Variants in RSRP1 observed in about 807,000 individuals in gnomAD.
RSRP1 encodes the protein arginine and serine rich protein 1, also known as arginine/serine-rich protein 1.
A neutral mutation model predicts 33.0 loss-of-function variants in RSRP1; 37 were observed. The ratio of observed to expected loss-of-function variants is 1.12; its 90% CI spans 0.86 to 1.48. The LOEUF (loss-of-function observed/expected upper bound fraction) is 1.48, where lower values mean the gene tolerates loss of function less well. Among genes scored for constraint, RSRP1 ranks in the 40% most tolerant of loss-of-function variants. The probability of loss-of-function intolerance (pLI) is 0.00; values close to 1 mark genes in which losing one functional copy is unlikely to be tolerated. For synonymous variants in RSRP1, 167 were observed against 158.7 expected, an observed-to-expected ratio of 1.05 and a Z score of -0.40; for missense variants, 402 against 385.3, an observed-to-expected ratio of 1.04 and a Z score of -0.36.
At chr1:25,294,328 C>T (rs2124652896) in intron 1 of RSRP1, 2 of 1,152,624 alleles carry the variant, frequency 1.7e-6, no homozygotes, top group East Asian at 2.3e-5. Flanking sequence ...TGTCCAAGGC[C>T]CCAGTGACCA....
upstream of RSRP1, chr1:25,247,619 G>T (rs892652778): frequency 6.6e-6 from 1 of 152,316 alleles, no homozygotes; most frequent in Non-Finnish European, 1.5e-5. Context: ...TCCAGGGTGC[G>T]CATGCGCGAT....
chr1:25,297,056 C>G lies in RSRP1; in HGVS notation c.-67+40922G>C, dbSNP rs1243717250. ...ACCAATTTTCTCAATAATATCTTTT[C>G]TAGAAAAAAATATATATTTTTTGTG... On this transcript the variant is annotated intron_variant, in intron 1 of 1. Coordinates refer to the RSRP1 transcript ENST00000561867. 2.3e-5 allele frequency among the ~76,000 whole-genome samples: 3 copies of G among 130,256 alleles called. 1 individual carries two copies. The highest frequency in any genetic ancestry group is 5.4e-5 in the Non-Finnish European group (3 of 55,580). 85.5% of individuals were successfully genotyped at this position (130,256 alleles called of 152,430 possible). A position where few individuals can be genotyped will look rare whatever the true frequency, so the allele number is the denominator to read the frequency against.
rs188845162 is a variant in RSRP1, at chr1:25,329,649, C to T, written c.-67+8329G>A. Reference sequence around the variant, plus strand: ...AATTAGATTATACCACTAGAGTCTTCAGATTTTTATACTTTTTTTTTTTGA... The same window carrying T: ...AATTAGATTATACCACTAGAGTCTTTAGATTTTTATACTTTTTTTTTTTGA... On this transcript the variant is annotated intron_variant, in intron 1 of 1. Coordinates refer to the RSRP1 transcript ENST00000561867. 4.8e-3 allele frequency: 627 copies of T among 129,988 alleles called. 79 individuals are homozygous for T. The highest frequency in any genetic ancestry group is 0.015 in the African/African-American group (566 of 37,936). The allele number at this position is 129,988 out of a possible 1,614,324, so 8.1% of individuals were successfully genotyped here.
chr1:25,282,592 T>A (rs1384498289), intron 1 of RSRP1, among the ~76,000 whole-genome samples: 1 of 132,602 alleles, frequency 7.5e-6, no homozygotes, highest in Non-Finnish European at 1.8e-5. Flanking sequence ...CAGAGCCATG[T>A]GAACTCAAAA....
chr1:25,298,751 A>G lies in RSRP1; in HGVS notation c.-67+39227T>C, dbSNP rs373179881. Among the ~76,000 whole-genome samples the G allele has an allele frequency of 2.3e-5, 3 of 131,530 alleles. 1 individual carries two copies. Among genetic ancestry groups the G allele is most frequent in the Non-Finnish European group, 3.6e-5 (2 of 55,898 alleles). The allele number at this position is 131,530 out of a possible 152,430, so 86.3% of individuals were successfully genotyped here. ...TGTGGCAGTGGAAAATACAACTCTC[A>G]TGGAACGTCTGTTCCAGAAGGAAAG... On this transcript the variant is annotated intron_variant, in intron 1 of 1. Transcript: ENST00000561867.
In RSRP1 at chr1:25,264,376, A is replaced by G. The variant is rs368001781; in HGVS notation, c.-66-17347T>C. On this transcript the variant is annotated intron_variant, in intron 1 of 1. Coordinates refer to the RSRP1 transcript ENST00000561867. ...TCTAGGCGAAGGTTTCCAAACCCCA[A>G]TTCTTGACTTCTGTGCACTCGCAGT... Among the ~76,000 whole-genome samples the G allele has an allele frequency of 2.8e-3, 417 of 150,944 alleles. 3 individuals carry two copies. The highest frequency in any genetic ancestry group is 9.3e-3 in the African/African-American group (375 of 40,476).
rs1644527761 is a variant in RSRP1 at position 25,318,503 on chromosome 1, G to A, written c.-67+19475C>T. On this transcript the variant is annotated intron_variant, in intron 1 of 1. Transcript: ENST00000561867. ...CTGGGGAGGCTGAAGTAGGGGAATG[G>A]CTTGACCCCAGGAGGTGGAGGTTAT... Among the ~76,000 whole-genome samples, 2 of 131,284 alleles carry A rather than the reference G, an allele frequency of 1.5e-5. 1 individual carries two copies. Among genetic ancestry groups the A allele is most frequent in the South Asian group, 4.7e-4 (2 of 4,264 alleles). The allele number at this position is 131,284 out of a possible 152,430, so 86.1% of individuals were successfully genotyped here.
intron 1 of RSRP1, among the ~76,000 whole-genome samples, chr1:25,305,216 A>T (rs1643705580): frequency 7.7e-6 from 1 of 130,376 alleles, no homozygotes; most frequent in African/African-American, 2.6e-5. Context: ...GGCAGAAGGC[A>T]CAGTGTGTAT....
chr1:25,244,590 ACT>A, intron 3 of RSRP1: 1 of 1,282,574 alleles, frequency 7.8e-7, no homozygotes, highest in Non-Finnish European at 1.0e-6. Context: ...AGCTACAAAC[ACT>A]CTGTAAATAG....
rs1276367584 is a variant in RSRP1 at position 25,295,863 on chromosome 1, T to C, written c.-67+42115A>G. 2.8e-4 allele frequency among the ~76,000 whole-genome samples: 29 copies of C among 103,916 alleles called. 5 individuals carry two copies. The highest frequency in any genetic ancestry group is 9.0e-4 in the African/African-American group (27 of 30,100). The allele number at this position is 103,916 out of a possible 152,430, so 68.2% of individuals were successfully genotyped here. ...GGAATATGGGAAATTTTTTTTTTTT[T>C]TTTTTTTTTTTTTTTTGAGATGGAG... On this transcript the variant is annotated intron_variant, in intron 1 of 1. Transcript: ENST00000561867.
rs570803326 is a variant in RSRP1 at position 25,313,613 on chromosome 1, C to A, written c.-67+24365G>T. On this transcript the variant is annotated intron_variant, in intron 1 of 1. Transcript: ENST00000561867. ...TTGTTGTTCACAGTTCCCCTGTAAA[C>A]AAGAGGCAGAACACGTCATGCAGGG... Among the ~76,000 whole-genome samples the A allele has an allele frequency of 6.4e-4, 84 of 132,026 alleles. 17 individuals are homozygous for A. Among genetic ancestry groups the A allele is most frequent in the Non-Finnish European group, 1.1e-3 (61 of 55,730 alleles). The allele number at this position is 132,026 out of a possible 152,430, so 86.6% of individuals were successfully genotyped here.
At chr1:25,262,435 C>T (rs1404923220) in intron 1 of RSRP1, among the ~76,000 whole-genome samples, 7 of 152,124 alleles carry the variant, frequency 4.6e-5, no homozygotes, top group African/African-American at 9.7e-5. Flanking sequence ...GGGATAAATA[C>T]TTTGAATTCA....
upstream of RSRP1, among the ~76,000 whole-genome samples, chr1:25,252,040 G>A (rs968908282): frequency 6.6e-6 from 1 of 150,528 alleles, no homozygotes; most frequent in African/African-American, 2.4e-5. Context: ...ACAGGTGCAC[G>A]CCACCACGCC....
chr1:25,246,344 G>C, intron 2 of RSRP1, 100 bp downstream of exon 2: 2 of 1,513,708 alleles, frequency 1.3e-6, no homozygotes, highest in Non-Finnish European at 1.8e-6. Context: ...GGGCACTAAA[G>C]GAACTAATAT....
intron 1 of RSRP1, among the ~76,000 whole-genome samples, chr1:25,261,630 T>A (rs962860397): frequency 9.3e-5 from 14 of 151,238 alleles, no homozygotes; most frequent in African/African-American, 3.4e-4. Flanking sequence ...GGTCTCAATC[T>A]CCTGACCTCG....
At chr1:25,243,858 A>G (rs1217350240) in intron 3 of RSRP1, 2 of 1,265,500 alleles carry the variant, frequency 1.6e-6, no homozygotes, top group African/African-American at 3.0e-5. Context: ...CCCTGCTGGC[A>G]AATTTAAACT....
In RSRP1 at chr1:25,306,781, G is replaced by A; in HGVS notation, c.-67+31197C>T. 3.7e-6 allele frequency: 5 copies of A among 1,348,638 alleles called. 1 individual carries two copies. Among genetic ancestry groups the A allele is most frequent in the Non-Finnish European group, 5.2e-6 (5 of 953,488 alleles). The allele number at this position is 1,348,638 out of a possible 1,614,324, so 83.5% of individuals were successfully genotyped here. On this transcript the variant is annotated intron_variant, in intron 1 of 1. Transcript: ENST00000561867. ...CCCTTAACACTCCCCTCCAACTCAG[G>A]AAGAAATGTGTGCAGAGTCCTTAGC...
At chr1:25,242,771 T>G in intron 4 of RSRP1, 66 bp from the exon 5 acceptor site, 1 of 1,105,970 alleles carries the variant, frequency 9.0e-7, no homozygotes, top group Non-Finnish European at 1.3e-6. Context: ...CAAAAAAAAG[T>G]ACATTAAATA....
rs1461222822 is a variant in RSRP1 at position 25,316,033 on chromosome 1, G to C, written c.-67+21945C>G. Among the ~76,000 whole-genome samples, 7 of 131,220 alleles carry C rather than the reference G, an allele frequency of 5.3e-5. 2 individuals are homozygous for C. Among genetic ancestry groups the C allele is most frequent in the Non-Finnish European group, 9.0e-5 (5 of 55,584 alleles). 86.1% of individuals were successfully genotyped at this position (131,220 alleles called of 152,430 possible). On this transcript the variant is annotated intron_variant, in intron 1 of 1. Coordinates refer to the RSRP1 transcript ENST00000561867. The stretch of plus-strand genomic sequence containing the variant: ...GCCCACCTGTTGAGACAAGAAACAG[G>C]AAAGGCTTAAAAAACTGGCTTGTTA...
Sources: gnomAD v4.1 joint callset for allele counts (sites outside exome capture counted in the v4.1 genomes callset) on GRCh38, gnomAD v4.1.1 for gene constraint, MANE v1.5 for transcripts, NCBI Gene and HGNC (gene_info 2026-07-23, HGNC 2026-07-21) for gene names.